MED23: variants seen among roughly 807,000 people sequenced by gnomAD.
MED23 encodes mediator complex subunit 23.
In MED23, 105 loss-of-function variants were observed where a neutral mutation model predicts 163.9. The observed-to-expected ratio is 0.64, with a 90% confidence interval of 0.55 to 0.75. The LOEUF is 0.75. Ranked by LOEUF, MED23 falls within the 30% of genes least tolerant of loss-of-function variation. The pLI is 0.00. For synonymous variants in MED23, 561 were observed against 565.6 expected (o/e 0.99, Z 0.12); for missense variants, 1,054 against 1,649.0 (o/e 0.64, Z 6.25).
chr6:131,590,174 C>T, intron 27 of MED23, 148 bp downstream of exon 27: 1 of 680,254 alleles, frequency 1.5e-6, no homozygotes, highest in Non-Finnish European at 2.6e-6. Context: ...TACTGGCAAA[C>T]TAAGTCCTCT....
chr6:131,617,419 T>C (rs1776773275), intron 9 of MED23, among the ~76,000 whole-genome samples: 2 of 151,412 alleles, frequency 1.3e-5, no homozygotes, highest in African/African-American at 4.8e-5. Context: ...TATGCTATTG[T>C]AACTATGATG....
intron 9 of MED23, among the ~76,000 whole-genome samples, chr6:131,617,037 A>G (rs79492198): frequency 0.029 from 4,363 of 151,738 alleles, 104 homozygotes; most frequent in Middle Eastern, 0.1. Flanking sequence ...AAGCCTAGTT[A>G]TATTTGTTAA....
chr6:131,574,071 T>G (rs1397371535), exon 31 of MED23: 1 of 604,810 alleles, frequency 1.7e-6, no homozygotes, highest in Admixed American at 2.6e-5. Context: ...ACACTTTTTT[T>G]TCTGCCTGGG....
At chr6:131,625,059 A>C in intron 3 of MED23, 70 bp from the exon 4 acceptor site, 12 of 1,425,584 alleles carry the variant, frequency 8.4e-6, no homozygotes, top group African/African-American at 1.4e-5. Context: ...CTAATACTAC[A>C]ACTGGAAGTA....
chr6:131,574,351 G>A, intron 30 of MED23: 1 of 1,602,940 alleles, frequency 6.2e-7, no homozygotes, highest in Non-Finnish European at 8.5e-7. Flanking sequence ...CATTTGGACT[G>A]TCAGTAAATA....
rs1206899907 is a variant in MED23 at position 131,596,001 on chromosome 6, A to G, written c.2941T>C (p.Ser981Pro). 6.2e-7 allele frequency: 1 copy of G among 1,614,104 alleles called. No homozygotes were observed. The highest frequency in any genetic ancestry group is 1.7e-5 in the Admixed American group (1 of 60,020). ...TCCAGTAGAGTCTCCAGTGATTTGG[A>G]TACCGGAAGCAACTCTAAAAATCTG... ...IHRFLELLPV[S>P]KSLETLLDHL... Residue 981 changes from serine (S) to proline (P), a missense_variant, in exon 22 of 29, where the codon TCC (serine) becomes CCC (proline). Around this residue, in one of 11 missense-constraint regions of MED23, gnomAD observed 228 missense variants for 461.3 expected, o/e 0.49. Transcript: ENST00000368068.
At chr6:131,605,156 C>A in intron 14 of MED23, 84 bp downstream of exon 14, 4 of 1,413,640 alleles carry the variant, frequency 2.8e-6, no homozygotes, top group South Asian at 1.2e-5. Context: ...TGAAATAATA[C>A]GCACATAAAA....
chr6:131,585,329 A>G (rs1254113592), downstream of MED23, among the ~76,000 whole-genome samples: 1 of 152,314 alleles, frequency 6.6e-6, no homozygotes, highest in East Asian at 1.9e-4. Flanking sequence ...GGTAGGCTCC[A>G]TGAATGGATT....
intron 15 of MED23, among the ~76,000 whole-genome samples, chr6:131,603,961 A>AC (rs1360674829): frequency 1.3e-5 from 2 of 151,036 alleles, no homozygotes; most frequent in Non-Finnish European, 3.0e-5. Context: ...AATGCAACAA[A>AC]CCCCCCAACC....
chr6:131,600,733 A>G (rs988438931), intron 17 of MED23, among the ~76,000 whole-genome samples: 2 of 150,442 alleles, frequency 1.3e-5, no homozygotes, highest in East Asian at 3.9e-4. Flanking sequence ...AGGTCAAATA[A>G]TAATAAAAAG....
chr6:131,623,435 A>C lies in MED23; in HGVS notation c.312T>G (p.Ser104=), dbSNP rs1777254303. The C allele has an allele frequency of 9.9e-6, 16 of 1,614,186 alleles. No individual in the cohort carries two copies. Among genetic ancestry groups the C allele is most frequent in the Non-Finnish European group, 1.4e-5 (16 of 1,180,014 alleles). ...PRLVCESLIN[S]DTLEWERTQL... ...GTGTTCTTTCCCACTCAAGAGTGTC[A>C]GAGTTTATCAGGGATTCACAAACCA... The change falls in exon 5 of 29, where the codon TCT becomes TCG. Residue 104 remains serine, a synonymous_variant. Coordinates refer to ENST00000368068, the MANE Select transcript of MED23 (RefSeq NM_004830.4).
intron 30 of MED23, chr6:131,576,807 A>G: frequency 7.6e-7 from 1 of 1,323,622 alleles, no homozygotes; most frequent in Middle Eastern, 1.9e-4. Flanking sequence ...GCCCCTGTGA[A>G]CCTGGAGTGT....
intron 3 of MED23, among the ~76,000 whole-genome samples, chr6:131,626,480 TTA>T (rs1164458124): frequency 1.3e-5 from 2 of 152,160 alleles, no homozygotes; most frequent in Non-Finnish European, 2.9e-5. Context: ...CTGTAGATTA[TTA>T]TTAGGAGAAA....
At chr6:131,574,089 A>G in exon 31 of MED23, 1 of 660,092 alleles carries the variant, frequency 1.5e-6, no homozygotes, top group South Asian at 1.8e-5. Context: ...GGGCACACTT[A>G]TTCTAGTAAA....
downstream of MED23, chr6:131,583,147 C>T: frequency 6.2e-7 from 1 of 1,613,682 alleles, no homozygotes; most frequent in Non-Finnish European, 8.5e-7. Flanking sequence ...AAGAAACACT[C>T]AGCTATCTAC....
At chr6:131,583,614 C>A, downstream of MED23, 1 of 1,509,534 alleles carries the variant, frequency 6.6e-7, no homozygotes, top group Non-Finnish European at 9.1e-7. Flanking sequence ...TCACATGATG[C>A]AATAACTAAA....
intron 10 of MED23, among the ~76,000 whole-genome samples, chr6:131,613,775 T>C (rs1319178819): frequency 1.3e-5 from 2 of 152,226 alleles, no homozygotes; most frequent in Non-Finnish European, 2.9e-5. Flanking sequence ...TATGGATTTA[T>C]GTCTTAGTCA....
intron 10 of MED23, among the ~76,000 whole-genome samples, chr6:131,614,806 T>A (rs1167703809): frequency 6.6e-6 from 1 of 152,154 alleles, no homozygotes; most frequent in East Asian, 1.9e-4. Context: ...TTAAAGTGCC[T>A]TTTTTCTCTT....
rs141129241 is a variant in MED23 at position 131,603,065 on chromosome 6, T to A, written c.1896A>T (p.Ala632=). 2 of 1,613,874 alleles carry A rather than the reference T, an allele frequency of 1.2e-6. No individual in the cohort carries two copies. Among genetic ancestry groups the A allele is most frequent in the African/African-American group, 2.7e-5 (2 of 74,920 alleles). The part of the protein sequence containing the change: ...QLLSHLHTLA[A]VAQTNQNQLH... ...GCTGGTTCTGGTTTGTTTGTGCAACTGCAGCCAAAGTATGAAGATGACTCA... is the reference window on the plus strand; with the variant it reads ...GCTGGTTCTGGTTTGTTTGTGCAACAGCAGCCAAAGTATGAAGATGACTCA... Residue 632 remains alanine, a synonymous_variant, in exon 16 of 29, where the codon GCA becomes GCT. Transcript: ENST00000368068.
Sources: allele counts gnomAD v4.1 joint callset (sites outside exome capture counted in the v4.1 genomes callset), GRCh38; gene constraint gnomAD v4.1.1; regional missense constraint gnomAD v4.1.1; transcripts MANE v1.5; gene names NCBI Gene and HGNC (gene_info 2026-07-23, HGNC 2026-07-21).